The following RNF141 variants were observed in gnomAD, a reference collection of about 807,000 sequenced individuals.
RNF141 encodes C3HC4-like zinc finger protein.
RNF141 carries 18 observed loss-of-function variants against 27.4 expected under a neutral mutation model. The observed-to-expected ratio is 0.66, with a 90% confidence interval of 0.45 to 0.97. The LOEUF is 0.97. RNF141 is among the 50% of genes least tolerant of loss of function. The probability of loss-of-function intolerance (pLI) is 0.00; values close to 1 mark genes in which losing one functional copy is unlikely to be tolerated. For synonymous variants in RNF141, 97 were observed against 96.6 expected, an observed-to-expected ratio of 1.00 and a Z score of -0.02; for missense variants, 230 against 279.4, an observed-to-expected ratio of 0.82 and a Z score of 1.26.
chr11:10,519,995 A>G (rs926019330), intron 4 of RNF141, among the ~76,000 whole-genome samples: 11 of 152,172 alleles, frequency 7.2e-5, no homozygotes, highest in African/African-American at 2.4e-4. Flanking sequence ...TTGCAAAAAA[A>G]TCTCATGTTT....
intron 2 of RNF141, chr11:10,531,700 C>T (rs1307304465): frequency 1.6e-5 from 3 of 185,966 alleles, no homozygotes; most frequent in South Asian, 9.2e-5. Flanking sequence ...TAAATCAGTT[C>T]GAAGACATGC....
chr11:10,517,971 A>T (rs1849855918), intron 5 of RNF141, among the ~76,000 whole-genome samples: 1 of 152,182 alleles, frequency 6.6e-6, no homozygotes, highest in Admixed American at 6.5e-5. Flanking sequence ...ACTTGGGGAT[A>T]GATGTCAAAG....
intron 4 of RNF141, among the ~76,000 whole-genome samples, chr11:10,521,465 T>C (rs1849887157): frequency 6.6e-6 from 1 of 152,234 alleles, no homozygotes; most frequent in Non-Finnish European, 1.5e-5. Context: ...TGTAATAATA[T>C]AAAAACTGAC....
At chr11:10,523,828 A>G (rs1849908653) in intron 4 of RNF141, among the ~76,000 whole-genome samples, 1 of 152,236 alleles carries the variant, frequency 6.6e-6, no homozygotes, top group African/African-American at 2.4e-5. Flanking sequence ...TAAAACAATT[A>G]AACAAAACAA....
At chr11:10,518,960 C>G (rs952508986) in intron 5 of RNF141, 74 bp downstream of exon 5, 1 of 1,097,674 alleles carries the variant, frequency 9.1e-7, no homozygotes, top group South Asian at 1.3e-5. Context: ...AGTATTTTTG[C>G]ACTTTTCAAA....
chr11:10,519,288 ATAT>A, intron 4 of RNF141, 147 bp from the exon 5 acceptor site: 2 of 523,446 alleles, frequency 3.8e-6, no homozygotes, highest in Non-Finnish European at 6.5e-6. Flanking sequence ...ACTAAAATTA[ATAT>A]TATCTTTTAG....
chr11:10,529,451 G>GA lies in RNF141; in HGVS notation c.252+1191dup, dbSNP rs538419917. 1.8e-3 allele frequency among the ~76,000 whole-genome samples: 270 copies of GA among 152,310 alleles called. 1 individual carries two copies. The highest frequency in any genetic ancestry group is 6.2e-3 in the African/African-American group (258 of 41,574). ...CACAATAAGCAGAAGCACTGAACTG[G>GA]AAAAGAAAAGTAACAATGATACAGT... On this transcript the variant is annotated intron_variant, in intron 3 of 5. Coordinates refer to ENST00000265981, the MANE Select transcript of RNF141 (RefSeq NM_016422.4).
intron 2 of RNF141, among the ~76,000 whole-genome samples, chr11:10,531,232 G>A (rs902545378): frequency 7.9e-5 from 12 of 151,878 alleles, no homozygotes; most frequent in African/African-American, 2.4e-4. Context: ...AAAATTAGCC[G>A]GGCGTGGTGG....
chr11:10,518,917 C>A, intron 5 of RNF141, 117 bp downstream of exon 5: 1 of 674,496 alleles, frequency 1.5e-6, no homozygotes. Context: ...ATTCAAAGTA[C>A]TAAAGAATAA....
chr11:10,522,019 G>A (rs1849891785), intron 4 of RNF141, among the ~76,000 whole-genome samples: 1 of 152,226 alleles, frequency 6.6e-6, no homozygotes, highest in Admixed American at 6.5e-5. Flanking sequence ...GGACAGTCTA[G>A]AAAGAGGAAA....
chr11:10,518,937 CATACTT>C (rs1849863882), intron 5 of RNF141, 91 bp downstream of exon 5: 2 of 786,136 alleles, frequency 2.5e-6, no homozygotes, highest in Admixed American at 5.0e-5. Flanking sequence ...AAATCTCTCT[CATACTT>C]AACTACAGTA....
chr11:10,529,690 G>A (rs1380686832), intron 3 of RNF141, among the ~76,000 whole-genome samples: 2 of 152,196 alleles, frequency 1.3e-5, no homozygotes, highest in Admixed American at 1.3e-4. Context: ...TTGGAGAAGA[G>A]TCTAGAAGTA....
chr11:10,521,573 A>G (rs1369565490), intron 4 of RNF141, among the ~76,000 whole-genome samples: 5 of 152,234 alleles, frequency 3.3e-5, no homozygotes, highest in Admixed American at 3.3e-4. Context: ...CACTGTATGT[A>G]AGATATTTAG....
At chr11:10,524,412 A>C (rs1849914708) in intron 4 of RNF141, among the ~76,000 whole-genome samples, 1 of 152,248 alleles carries the variant, frequency 6.6e-6, no homozygotes, top group South Asian at 2.1e-4. Context: ...ATTAAAAAAA[A>C]AAAAATCACT....
At chr11:10,524,161 TC>T (rs1412436768) in intron 4 of RNF141, among the ~76,000 whole-genome samples, 18 of 152,108 alleles carry the variant, frequency 1.2e-4, no homozygotes, top group Admixed American at 1.2e-3. Context: ...ATGCCTGTAA[TC>T]CCAGCACTCT....
intron 3 of RNF141, among the ~76,000 whole-genome samples, chr11:10,530,137 C>CT (rs1409506336): frequency 6.6e-6 from 1 of 152,170 alleles, no homozygotes; most frequent in Non-Finnish European, 1.5e-5. Flanking sequence ...AACTTTCTAT[C>CT]TGAATCTACT....
chr11:10,534,726 T>G (rs751247536), intron 1 of RNF141, among the ~76,000 whole-genome samples: 3 of 152,154 alleles, frequency 2.0e-5, no homozygotes, highest in Non-Finnish European at 4.4e-5. Context: ...TACACAGCTG[T>G]AAGTGGTGAA....
At chr11:10,519,263 C>A in intron 4 of RNF141, 122 bp from the exon 5 acceptor site, 1 of 642,816 alleles carries the variant, frequency 1.6e-6, no homozygotes, top group Non-Finnish European at 2.5e-6. Flanking sequence ...CAATATGACT[C>A]ATGTGCAAAA....
In RNF141 at chr11:10,519,126, G is replaced by C. The variant is rs778761296; in HGVS notation, c.450C>G (p.Thr150=). 2 of 1,613,622 alleles carry C rather than the reference G, an allele frequency of 1.2e-6. No individual in the cohort carries two copies. Among genetic ancestry groups the C allele is most frequent in the South Asian group, 1.1e-5 (1 of 91,066 alleles). The change falls in exon 5 of 6, where the codon ACC becomes ACG. Residue 150 remains threonine (T), a synonymous_variant. Transcript: ENST00000265981. The stretch of plus-strand genomic sequence containing the variant: ...TACAGATACAACACTCCTCCTCATC[G>C]GTCAGCTGCTTCACCCTGCAATGTG... ...SLWMGRVKQL[T]DEEECCICMD...
Sources: allele counts gnomAD v4.1 joint callset (sites outside exome capture counted in the v4.1 genomes callset), GRCh38; gene constraint gnomAD v4.1.1; transcripts MANE v1.5; gene names NCBI Gene and HGNC (gene_info 2026-07-23, HGNC 2026-07-21).